Variants in BPIFB3 observed in about 807,000 individuals in gnomAD.
The protein encoded by BPIFB3 is BPI fold-containing family B member 3.
In BPIFB3, 49 loss-of-function variants were observed where a neutral mutation model predicts 53.1. The ratio of observed to expected loss-of-function variants is 0.92; its 90% CI spans 0.73 to 1.17. The LOEUF (loss-of-function observed/expected upper bound fraction) is 1.17. Among genes scored for constraint, BPIFB3 ranks in the 50% most tolerant of loss-of-function variants. The pLI is 0.00. For synonymous variants in BPIFB3, 271 were observed against 269.6 expected, an observed-to-expected ratio of 1.01 and a Z score of -0.05; for missense variants, 628 against 592.5, an observed-to-expected ratio of 1.06 and a Z score of -0.62.
rs562305395 is a variant in BPIFB3, at chr20:33,069,545, C to A, written c.1150-343C>A. On this transcript the variant is annotated intron_variant, in intron 10 of 14. Coordinates refer to ENST00000375494, the Ensembl canonical transcript of BPIFB3. Reference sequence around the variant, plus strand: ...CCACCACCTGGAGTACCATTTTCCCCTTCCTTCCACTAACTCCTCATCTTT... The same window carrying A: ...CCACCACCTGGAGTACCATTTTCCCATTCCTTCCACTAACTCCTCATCTTT... Among the ~76,000 whole-genome samples, 3 of 152,320 alleles carry A rather than the reference C, an allele frequency of 2.0e-5. No homozygotes were observed. In the East Asian group the frequency reaches 5.8e-4, roughly 29 times the overall value.
chr20:33,059,130 A>T (rs1600537043), intron 2 of BPIFB3, among the ~76,000 whole-genome samples: 1 of 152,242 alleles, frequency 6.6e-6, no homozygotes, highest in East Asian at 1.9e-4. Context: ...TTGAGCACAC[A>T]CCGTACCAGG....
At chr20:33,060,183 A>C in intron 4 of BPIFB3, 152 bp downstream of exon 5, 1 of 1,056,108 alleles carries the variant, frequency 9.5e-7, no homozygotes, top group Non-Finnish European at 1.3e-6. Flanking sequence ...CCCACTTCAC[A>C]GACCGACAGA....
exon 15 of BPIFB3, chr20:33,073,601 C>T: frequency 1.2e-6 from 2 of 1,614,018 alleles, no homozygotes; most frequent in Non-Finnish European, 1.7e-6. Flanking sequence ...ACCGTGGCAT[C>T]CTGAGGCTGA....
intron 12 of BPIFB3, 23 bp downstream of exon 13, chr20:33,071,318 G>A (rs1397128684): frequency 5.1e-6 from 8 of 1,555,428 alleles, no homozygotes; most frequent in Non-Finnish European, 7.0e-6. Flanking sequence ...GAGGGTGAGG[G>A]GCTTGGCAGT....
In BPIFB3 at chr20:33,059,888, C is replaced by T. The variant is rs1980372340; in HGVS notation, c.387-3C>T. On this transcript the variant is annotated splice_polypyrimidine_tract_variant and splice_region_variant and intron_variant, in intron 3 of 14. Transcript: ENST00000375494. ...GCCACACCCCCAGTGTCCTTTCTTG[C>T]AGCCCCCTTGGTGGCCTTCTGCAGC... 6.2e-7 allele frequency: 1 copy of T among 1,613,420 alleles called. No individual in the cohort carries two copies. The highest frequency in any genetic ancestry group is 8.5e-7 in the Non-Finnish European group (1 of 1,179,712).
intron 4 of BPIFB3, among the ~76,000 whole-genome samples, chr20:33,060,889 C>T (rs898297813): frequency 1.3e-5 from 2 of 152,156 alleles, no homozygotes; most frequent in Non-Finnish European, 2.9e-5. Context: ...TTCATGGGAC[C>T]ATGGAGGCCC....
intron 2 of BPIFB3, among the ~76,000 whole-genome samples, chr20:33,058,503 G>A (rs1980310237): frequency 6.6e-6 from 1 of 152,102 alleles, no homozygotes. Flanking sequence ...GTTGTTGCCA[G>A]GACAGTGAGT....
intron 11 of BPIFB3, among the ~76,000 whole-genome samples, chr20:33,070,354 C>T (rs1225052390): frequency 1.3e-5 from 2 of 152,222 alleles, no homozygotes; most frequent in African/African-American, 4.8e-5. Flanking sequence ...TCTCTATTCT[C>T]CTCACCCCTG....
chr20:33,071,097 G>A (rs923167179), intron 11 of BPIFB3, among the ~76,000 whole-genome samples, 156 bp from the exon 13 acceptor site: 19 of 151,896 alleles, frequency 1.3e-4, no homozygotes, highest in Non-Finnish European at 2.6e-4. Context: ...TTTACAGGTA[G>A]GAAAACTGAG....
chr20:33,061,029 C>T (rs376217774), intron 4 of BPIFB3, among the ~76,000 whole-genome samples: 3 of 152,224 alleles, frequency 2.0e-5, no homozygotes, highest in Non-Finnish European at 2.9e-5. Flanking sequence ...TGTGTCTCCC[C>T]GTTCTGTGTC....
downstream of BPIFB3, chr20:33,073,758 C>A: frequency 1.2e-6 from 1 of 818,184 alleles, no homozygotes; most frequent in Admixed American, 2.4e-5. Flanking sequence ...GTGGGAACTG[C>A]CTGGCTAATC....
intron 8 of BPIFB3, among the ~76,000 whole-genome samples, chr20:33,066,479 C>T (rs959347879): frequency 6.6e-6 from 1 of 152,208 alleles, no homozygotes; most frequent in South Asian, 2.1e-4. Flanking sequence ...TTGAAGTTAG[C>T]CTGCCCAGGT....
intron 13 of BPIFB3, 76 bp from the exon 15 acceptor site, chr20:33,072,641 G>A: frequency 8.0e-7 from 1 of 1,246,200 alleles, no homozygotes; most frequent in Non-Finnish European, 1.2e-6. Flanking sequence ...AATAGGGTCA[G>A]CAGGGTCCGA....
At chr20:33,064,725 CAAGGTGCCCCCCAAG>C in exon 8 of BPIFB3, 1 of 1,614,142 alleles carries the variant, frequency 6.2e-7, no homozygotes, top group Non-Finnish European at 8.5e-7. Context: ...GTGCCCCAGC[CAAGGTGCCCCCCAAG>C]AAGGACCACA....
chr20:33,055,971 G>A (rs7270343), intron 1 of BPIFB3, among the ~76,000 whole-genome samples: 6,136 of 152,246 alleles, frequency 0.04, 430 homozygotes, highest in African/African-American at 0.14. Flanking sequence ...TCATGAGCAG[G>A]AAATGCTTCA....
chr20:33,056,799 G>A (rs924302294), intron 2 of BPIFB3, 101 bp downstream of exon 3: 312 of 1,390,218 alleles, frequency 2.2e-4, no homozygotes, highest in Non-Finnish European at 2.3e-4. Context: ...GGCAGTGAAG[G>A]TTGTGTGGGA....
At chr20:33,064,901 G>A (rs1980612635) in intron 8 of BPIFB3, 56 bp downstream of exon 9, 1 of 1,563,508 alleles carries the variant, frequency 6.4e-7, no homozygotes. Flanking sequence ...CTGTGCCTTG[G>A]CATTACTAGT....
In BPIFB3 at chr20:33,068,980, G is replaced by C; in HGVS notation, c.1149+7G>C. ...CCTCTTTGAGCTGAACTCCGTGAGT[G>C]GTCAAGGGGTGGCTGGGGGCCCGGC... On this transcript the variant is annotated splice_region_variant and intron_variant, in intron 10 of 14. Transcript: ENST00000375494. The C allele has an allele frequency of 6.2e-7, 1 of 1,608,032 alleles. No homozygotes were observed. The highest frequency in any genetic ancestry group is 1.1e-5 in the South Asian group (1 of 90,890).
upstream of BPIFB3, among the ~76,000 whole-genome samples, chr20:33,055,095 G>T (rs901089671): frequency 3.9e-5 from 6 of 152,226 alleles, no homozygotes; most frequent in Non-Finnish European, 7.3e-5. Context: ...ATGGACTCAG[G>T]CTTGAATTCT....
Sources: gnomAD v4.1 joint callset for allele counts (sites outside exome capture counted in the v4.1 genomes callset) on GRCh38, gnomAD v4.1.1 for gene constraint, MANE v1.5 for transcripts, NCBI Gene and HGNC (gene_info 2026-07-23, HGNC 2026-07-21) for gene names.